SGCD: variants seen among roughly 807,000 people sequenced by gnomAD.
SGCD encodes delta-sarcoglycan.
A neutral mutation model predicts 36.6 loss-of-function variants in SGCD; 18 were observed. The observed-to-expected ratio is 0.49, with a 90% CI of 0.34 to 0.73. SGCD has a LOEUF of 0.73. SGCD is among the 30% of genes least tolerant of loss of function. The pLI is 0.01. For synonymous variants in SGCD, 133 were observed against 130.6 expected (o/e 1.02, Z -0.12); for missense variants, 387 against 346.7 (o/e 1.12, Z -0.92).
At chr5:156,224,582 A>G (rs1764801228) in intron 3 of SGCD, among the ~76,000 whole-genome samples, 1 of 152,176 alleles carries the variant, frequency 6.6e-6, no homozygotes, top group South Asian at 2.1e-4. Context: ...TATAAGAACC[A>G]GTAAGTTTTG....
At chr5:155,786,920 C>T in the SGCD span, among the ~76,000 whole-genome samples, 1 of 152,110 alleles carries the variant, frequency 6.6e-6, no homozygotes, top group African/African-American at 2.4e-5. Context: ...AGAACATTAG[C>T]GATTGGAGCT....
chr5:156,616,882 G>A (rs1376109110), intron 6 of SGCD, among the ~76,000 whole-genome samples: 2 of 152,158 alleles, frequency 1.3e-5, no homozygotes, highest in Non-Finnish European at 2.9e-5. Context: ...TCTGTCTGTG[G>A]TTGCTTTTGC....
chr5:156,317,583 G>C (rs372011248), intron 3 of SGCD, among the ~76,000 whole-genome samples: 3 of 152,108 alleles, frequency 2.0e-5, no homozygotes, highest in Admixed American at 6.5e-5. Context: ...ATTACATAAA[G>C]TATTCACATG....
At chr5:156,197,032 T>C (rs1304005498) in intron 3 of SGCD, among the ~76,000 whole-genome samples, 2 of 152,242 alleles carry the variant, frequency 1.3e-5, no homozygotes, top group Non-Finnish European at 2.9e-5. Context: ...TAAATGCTTC[T>C]TAATGGCCAT....
At chr5:156,626,956 AAC>A (rs1762462272) in intron 6 of SGCD, among the ~76,000 whole-genome samples, 1 of 152,204 alleles carries the variant, frequency 6.6e-6, no homozygotes, top group African/African-American at 2.4e-5. Context: ...CCACTACAGT[AAC>A]AGAGGTGTGA....
chr5:156,616,103 GTC>G (rs892529720), intron 6 of SGCD, among the ~76,000 whole-genome samples: 15 of 150,778 alleles, frequency 9.9e-5, no homozygotes, highest in African/African-American at 3.0e-4. Flanking sequence ...CCAAAACTTA[GTC>G]TCTCTCTCTT....
the SGCD span, among the ~76,000 whole-genome samples, chr5:155,791,205 G>A: frequency 6.6e-6 from 1 of 152,086 alleles, no homozygotes; most frequent in South Asian, 2.1e-4. Context: ...AGACAGCTGG[G>A]CAGAGGGCTA....
chr5:155,850,328 A>G, the SGCD span, among the ~76,000 whole-genome samples: 2 of 152,134 alleles, frequency 1.3e-5, no homozygotes, highest in Non-Finnish European at 2.9e-5. Context: ...GCCTCAAAAA[A>G]TGCTCAGAGA....
chr5:155,838,775 CAAAA>C, the SGCD span, among the ~76,000 whole-genome samples: 118 of 118,304 alleles, frequency 1.0e-3, 1 homozygote, highest in Middle Eastern at 9.3e-3. Context: ...AAGAGATTTG[CAAAA>C]AAAAAAAAAA....
chr5:156,166,147 T>C (rs1170896415), intron 3 of SGCD, among the ~76,000 whole-genome samples: 1 of 151,796 alleles, frequency 6.6e-6, no homozygotes, highest in Non-Finnish European at 1.5e-5. Context: ...ATTGGAGTTT[T>C]CTTTTTAGTA....
chr5:156,270,217 A>G (rs1300226593), intron 3 of SGCD, among the ~76,000 whole-genome samples: 1 of 151,908 alleles, frequency 6.6e-6, no homozygotes, highest in East Asian at 1.9e-4. Context: ...ATTCTGTTCC[A>G]TTGGTCTATA....
chr5:156,598,864 T>G (rs78654597), intron 6 of SGCD, among the ~76,000 whole-genome samples: 2,668 of 152,322 alleles, frequency 0.018, 30 homozygotes, highest in Non-Finnish European at 0.029. Flanking sequence ...GATTATAGGT[T>G]TTGGTCACTT....
intron 3 of SGCD, among the ~76,000 whole-genome samples, chr5:156,363,643 T>G (rs1769928502): frequency 6.6e-6 from 1 of 152,364 alleles, no homozygotes; most frequent in Non-Finnish European, 1.5e-5. Flanking sequence ...ATTCTCTTGC[T>G]GTATAAGCTG....
intron 3 of SGCD, among the ~76,000 whole-genome samples, chr5:156,414,103 T>G (rs528934756): frequency 6.6e-6 from 1 of 152,324 alleles, no homozygotes; most frequent in Non-Finnish European, 1.5e-5. Context: ...GCCCATCCCT[T>G]TCTCTACTTC....
At chr5:156,737,604 C>A (rs553902432) in intron 7 of SGCD, among the ~76,000 whole-genome samples, 1 of 152,092 alleles carries the variant, frequency 6.6e-6, no homozygotes, top group African/African-American at 2.4e-5. Flanking sequence ...GATTCCTGTA[C>A]AATATATCAG....
At chr5:156,568,299 G>A (rs981853302) in intron 4 of SGCD, among the ~76,000 whole-genome samples, 10 of 152,212 alleles carry the variant, frequency 6.6e-5, no homozygotes, top group Admixed American at 1.3e-4. Context: ...CAGGAGAATC[G>A]CTTGAACCCG....
At chr5:156,439,321 C>T (rs1328776036) in intron 3 of SGCD, among the ~76,000 whole-genome samples, 1 of 152,114 alleles carries the variant, frequency 6.6e-6, no homozygotes, top group Non-Finnish European at 1.5e-5. Context: ...CATTGTGTGA[C>T]ATTGTGCTTC....
intron 3 of SGCD, among the ~76,000 whole-genome samples, chr5:156,268,495 ATTTTTTGAG>A (rs1360245242): frequency 1.3e-5 from 2 of 152,076 alleles, no homozygotes; most frequent in Non-Finnish European, 1.5e-5. Flanking sequence ...AGCATCTGTT[ATTTTTTGAG>A]TTTTTAATAG....
chr5:155,758,639 G>A, the SGCD span, among the ~76,000 whole-genome samples: 15 of 152,250 alleles, frequency 9.9e-5, no homozygotes, highest in South Asian at 2.1e-4. Flanking sequence ...AGCACGAACC[G>A]TATTGTGAAC....
Sources: allele counts gnomAD v4.1 joint callset (sites outside exome capture counted in the v4.1 genomes callset), GRCh38; gene constraint gnomAD v4.1.1; transcripts MANE v1.5; gene names NCBI Gene and HGNC (gene_info 2026-07-23, HGNC 2026-07-21).